Variants in BTBD2 observed in about 807,000 individuals in gnomAD.
BTBD2 encodes the protein BTB/POZ domain-containing protein 2.
A neutral mutation model predicts 44.0 loss-of-function variants in BTBD2; 15 were observed. The observed-to-expected ratio is 0.34, with a 90% CI of 0.23 to 0.53. BTBD2 has a LOEUF of 0.53. Ranked by LOEUF, BTBD2 falls within the 20% of genes least tolerant of loss-of-function variation. BTBD2 has a pLI of 0.95. For synonymous variants in BTBD2, 443 were observed against 335.9 expected (o/e 1.32, Z -3.49); for missense variants, 657 against 746.4 (o/e 0.88, Z 1.39).
chr19:1,991,008 G>C, intron 3 of BTBD2, 186 bp from the exon 4 acceptor site: 1 of 569,924 alleles, frequency 1.8e-6, no homozygotes, highest in African/African-American at 1.9e-5. Flanking sequence ...CCCTGTGACC[G>C]CTGACTGGGG....
intron 1 of BTBD2, chr19:2,013,435 T>C: frequency 5.6e-6 from 5 of 890,180 alleles, no homozygotes; most frequent in Non-Finnish European, 6.7e-6. Flanking sequence ...TGGGGGTCTC[T>C]GGGTTGGAAG....
intron 1 of BTBD2, among the ~76,000 whole-genome samples, chr19:2,011,282 T>G (rs559872623): frequency 4.6e-5 from 7 of 151,844 alleles, no homozygotes; most frequent in Non-Finnish European, 5.9e-5. Context: ...ACCTGCATCC[T>G]CTACCCCTCA....
chr19:1,999,773 C>A (rs1156408031), intron 1 of BTBD2, among the ~76,000 whole-genome samples: 1 of 151,688 alleles, frequency 6.6e-6, no homozygotes, highest in Non-Finnish European at 1.5e-5. Context: ...ACCAGCCTGG[C>A]CAACATGGTG....
intron 1 of BTBD2, among the ~76,000 whole-genome samples, chr19:2,008,303 CT>C (rs36003432): frequency 0.47 from 66,502 of 140,862 alleles, 16,219 homozygotes; most frequent in East Asian, 0.69. Flanking sequence ...TGCGCCCACT[CT>C]TTTTTTTTTT....
chr19:2,012,028 G>C (rs1056795540), intron 1 of BTBD2, among the ~76,000 whole-genome samples: 9 of 150,782 alleles, frequency 6.0e-5, no homozygotes, highest in Admixed American at 5.3e-4. Context: ...CTAATTTTTT[G>C]TATTTTTAGT....
At chr19:2,015,197 CG>C in intron 1 of BTBD2, 99 bp downstream of exon 1, 2 of 1,186,696 alleles carry the variant, frequency 1.7e-6, no homozygotes, top group East Asian at 3.8e-5. Context: ...TGGAGGGGTG[CG>C]GGGGTCTCGG....
chr19:1,986,603 T>G lies in BTBD2; in HGVS notation c.1463A>C (p.His488Pro), dbSNP rs775162413. 6.2e-7 allele frequency: 1 copy of G among 1,613,880 alleles called. No individual in the cohort carries two copies. The highest frequency in any genetic ancestry group is 1.1e-5 in the South Asian group (1 of 91,078). The change falls in exon 9 of 9, where the codon CAC (histidine) becomes CCC (proline). Residue 488 changes from histidine (H) to proline (P), a missense_variant. His to Pro is a moderately conservative substitution (Grantham distance 77). Coordinates refer to ENST00000255608, the MANE Select transcript of BTBD2 (RefSeq NM_017797.4). Reference sequence around the variant, plus strand: ...CTTGGCGCCCGTGGTGGGCGACTCGTGTGTCACCTTGCGCAGGCCTTTGGT... The same window carrying G: ...CTTGGCGCCCGTGGTGGGCGACTCGGGTGTCACCTTGCGCAGGCCTTTGGT... ...YGTKGLRKVT[H>P]ESPTTGAKTC...
chr19:2,008,795 T>A (rs1430488209), intron 1 of BTBD2, among the ~76,000 whole-genome samples: 2 of 151,820 alleles, frequency 1.3e-5, no homozygotes, highest in African/African-American at 4.8e-5. Flanking sequence ...GGTCTCGAAC[T>A]CCTGGGGTCA....
intron 3 of BTBD2, chr19:1,991,816 C>T (rs1489321784): frequency 6.6e-6 from 1 of 152,576 alleles, no homozygotes; most frequent in Admixed American, 6.5e-5. Flanking sequence ...CAGCCCCCGC[C>T]CTTTGGGCTG....
intron 1 of BTBD2, among the ~76,000 whole-genome samples, chr19:2,013,295 G>A (rs2016491005): frequency 6.6e-6 from 1 of 152,186 alleles, no homozygotes; most frequent in Admixed American, 6.5e-5. Context: ...GGGTAAGAGG[G>A]ACCGGGGAGT....
chr19:1,997,382 C>T lies in BTBD2; in HGVS notation c.489G>A (p.Leu163=), dbSNP rs1240563256. 6.2e-7 allele frequency: 1 copy of T among 1,614,052 alleles called. No individual in the cohort carries two copies. Among genetic ancestry groups the T allele is most frequent in the African/African-American group, 1.3e-5 (1 of 74,922 alleles). ...GMATTSTEIE[L]PDVEPAAFLA... is the part of the protein sequence containing the mutation. ...GGAAGGCAGCGGGTTCCACGTCGGG[C>T]AGCTCAATCTCCGTGGATGTTGTGG... The change falls in exon 2 of 9, where the codon CTG becomes CTA. Residue 163 remains leucine (L), a synonymous_variant. Transcript: ENST00000255608.
intron 3 of BTBD2, 194 bp from the exon 4 acceptor site, chr19:1,991,016 G>T: frequency 1.8e-6 from 1 of 563,298 alleles, no homozygotes; most frequent in East Asian, 3.1e-5. Context: ...CCGCTGACTG[G>T]GGCGGGAGAG....
At chr19:2,001,263 C>T (rs2016326586) in intron 1 of BTBD2, among the ~76,000 whole-genome samples, 1 of 151,814 alleles carries the variant, frequency 6.6e-6, no homozygotes, top group Non-Finnish European at 1.5e-5. Flanking sequence ...TTTGGGGGGC[C>T]GAGGCAGTGG....
chr19:2,011,494 C>T (rs1012414132), intron 1 of BTBD2, among the ~76,000 whole-genome samples: 14 of 152,104 alleles, frequency 9.2e-5, no homozygotes, highest in Non-Finnish European at 2.1e-4. Flanking sequence ...GGGCTCTGGG[C>T]CTTCCATCCC....
At chr19:2,015,216 G>A in intron 1 of BTBD2, 81 bp downstream of exon 1, 2 of 1,446,116 alleles carry the variant, frequency 1.4e-6, no homozygotes, top group Non-Finnish European at 9.1e-7. Flanking sequence ...CGGGGACAGA[G>A]GGGTGCAGGG....
At chr19:1,999,689 A>ATG (rs1568219038) in intron 1 of BTBD2, among the ~76,000 whole-genome samples, 1 of 151,626 alleles carries the variant, frequency 6.6e-6, no homozygotes, top group Non-Finnish European at 1.5e-5. Context: ...GGCCAGGTGC[A>ATG]GTGGCTCACG....
intron 1 of BTBD2, among the ~76,000 whole-genome samples, chr19:2,001,030 TC>T (rs1336714261): frequency 6.6e-6 from 1 of 152,184 alleles, no homozygotes; most frequent in Non-Finnish European, 1.5e-5. Context: ...ACGCCTGTAC[TC>T]CCAGCACTTT....
chr19:2,002,023 G>A (rs2016336478), intron 1 of BTBD2, among the ~76,000 whole-genome samples: 1 of 152,142 alleles, frequency 6.6e-6, no homozygotes, highest in African/African-American at 2.4e-5. Context: ...TTACAGGTGT[G>A]AGCCCCCACG....
intron 1 of BTBD2, among the ~76,000 whole-genome samples, chr19:2,005,220 G>T (rs1008476631): frequency 6.6e-6 from 1 of 152,208 alleles, no homozygotes; most frequent in Non-Finnish European, 1.5e-5. Context: ...GAGCTACTGT[G>T]AATCATGCTG....
Sources: allele counts gnomAD v4.1 joint callset (sites outside exome capture counted in the v4.1 genomes callset), GRCh38; gene constraint gnomAD v4.1.1; transcripts MANE v1.5; gene names NCBI Gene and HGNC (gene_info 2026-07-23, HGNC 2026-07-21).